The following DCAF6 variants were observed in gnomAD, a reference collection of about 807,000 sequenced individuals.
DCAF6 encodes DDB1 and CUL4 associated factor 6.
DCAF6 carries 54 observed loss-of-function variants against 125.1 expected under a neutral mutation model. That is an observed-to-expected ratio of 0.43 (90% CI 0.35 to 0.54). The LOEUF (loss-of-function observed/expected upper bound fraction) is 0.54. Ranked by LOEUF, DCAF6 falls within the 20% of genes least tolerant of loss-of-function variation. The pLI is 0.01. For synonymous variants in DCAF6, 371 were observed against 390.4 expected (o/e 0.95, Z 0.58); for missense variants, 934 against 1,161.7 (o/e 0.80, Z 2.85).
At chr1:167,864,089 A>T in the DCAF6 span, among the ~76,000 whole-genome samples, 1 of 152,082 alleles carries the variant, frequency 6.6e-6, no homozygotes, top group Non-Finnish European at 1.5e-5. Context: ...ATTGCTTGAT[A>T]CTTTGGTTTT....
At chr1:168,041,802 G>GA (rs1194383337) in intron 13 of DCAF6, among the ~76,000 whole-genome samples, 1 of 149,902 alleles carries the variant, frequency 6.7e-6, no homozygotes, top group South Asian at 2.1e-4. Context: ...TTTCTCAATG[G>GA]AAAAAATAAA....
intron 10 of DCAF6, among the ~76,000 whole-genome samples, chr1:168,005,374 G>A (rs1035522412): frequency 5.9e-5 from 9 of 151,774 alleles, no homozygotes; most frequent in South Asian, 2.1e-4. Flanking sequence ...TAACCTCTAC[G>A]TTCTGTTAAA....
chr1:168,049,645 A>ATTT (rs1689626164), intron 16 of DCAF6, among the ~76,000 whole-genome samples: 6 of 122,888 alleles, frequency 4.9e-5, no homozygotes, highest in African/African-American at 1.0e-4. Flanking sequence ...ATCTGCATAT[A>ATTT]ATTTTTTTTT....
rs1486557185 is a variant in DCAF6, at chr1:167,951,816, C to T, written c.114C>T (p.Ile38=). The part of the protein sequence containing the change: ...RSRYLGRREF[I]QRLKLEATLN... ...TTTAAACAGGAAGAAGAGAATTTATCCAAAGATTAAAACTTGAAGCAACCC... is the reference window on the plus strand; with the variant it reads ...TTTAAACAGGAAGAAGAGAATTTATTCAAAGATTAAAACTTGAAGCAACCC... Residue 38 remains isoleucine, a synonymous_variant, in exon 2 of 22, where the codon ATC becomes ATT. Coordinates refer to ENST00000367840, the MANE Select transcript of DCAF6 (RefSeq NM_001198956.2). 6.3e-7 allele frequency: 1 copy of T among 1,599,008 alleles called. No individual in the cohort carries two copies. Among genetic ancestry groups the T allele is most frequent in the Non-Finnish European group, 8.6e-7 (1 of 1,166,990 alleles).
the DCAF6 span, among the ~76,000 whole-genome samples, chr1:167,881,758 A>G: frequency 6.6e-6 from 1 of 152,226 alleles, no homozygotes; most frequent in African/African-American, 2.4e-5. Flanking sequence ...AAGTTCAATG[A>G]CTTGCTAAGT....
At chr1:167,968,391 G>T (rs964410740) in intron 3 of DCAF6, 1 of 152,304 alleles carries the variant, frequency 6.6e-6, no homozygotes, top group Non-Finnish European at 1.5e-5. Flanking sequence ...ATTGAAGAGG[G>T]TGTCATGGCT....
At chr1:168,000,512 A>G (rs1208816787) in intron 7 of DCAF6, among the ~76,000 whole-genome samples, 1 of 152,180 alleles carries the variant, frequency 6.6e-6, no homozygotes, top group African/African-American at 2.4e-5. Context: ...GTTCTCCTGT[A>G]TACCCAAGAG....
Position 167,987,629 on chromosome 1 carries a change from CA to C in DCAF6, c.552+24del, listed in dbSNP as rs779280007. 19 of 1,214,910 alleles carry C rather than the reference CA, an allele frequency of 1.6e-5. No individual in the cohort carries two copies. In the East Asian group the frequency reaches 4.0e-4, roughly 26 times the overall value. 75.3% of individuals were successfully genotyped at this position (1,214,910 alleles called of 1,614,324 possible). On this transcript the variant is annotated intron_variant, in intron 5 of 21. Coordinates refer to ENST00000367840, the MANE Select transcript of DCAF6 (RefSeq NM_001198956.2). ...AAGATGTAAGAATTAAATTTTTATACAAATGATGCAGAAAAAATTAAGGTTA... is the reference window on the plus strand; with the variant it reads ...AAGATGTAAGAATTAAATTTTTATACAATGATGCAGAAAAAATTAAGGTTA...
chr1:167,936,519 G>T (rs73024126), upstream of DCAF6: 4,261 of 225,602 alleles, frequency 0.019, 125 homozygotes, highest in African/African-American at 0.07. Context: ...GGTGAGGGCA[G>T]CCGCAGCACA....
rs148884987 is a variant in DCAF6, at chr1:167,993,383, G to A, written c.846G>A (p.Pro282=). The change falls in exon 7 of 22, where the codon CCG becomes CCA. Residue 282 remains proline (P), a synonymous_variant. Transcript: ENST00000367840. Reference sequence around the variant, plus strand: ...CAGATTACATATATCTTTTTGACCCGAAAGATGATACAGCACGAGAACTTA... The same window carrying A: ...CAGATTACATATATCTTTTTGACCCAAAAGATGATACAGCACGAGAACTTA... ...YSSDYIYLFD[P]KDDTARELKT... is the part of the protein sequence containing the mutation. 23 of 1,613,660 alleles carry A rather than the reference G, an allele frequency of 1.4e-5. No individual in the cohort carries two copies. Among genetic ancestry groups the A allele is most frequent in the South Asian group, 1.2e-4 (11 of 91,064 alleles).
At chr1:168,059,762 C>G (rs982327762) in intron 17 of DCAF6, among the ~76,000 whole-genome samples, 2 of 152,126 alleles carry the variant, frequency 1.3e-5, no homozygotes, top group African/African-American at 2.4e-5. Flanking sequence ...CCTCCCACCT[C>G]AGCTTCCTGA....
intron 12 of DCAF6, among the ~76,000 whole-genome samples, chr1:168,034,988 A>G (rs944541715): frequency 2.0e-5 from 3 of 152,218 alleles, no homozygotes. Flanking sequence ...TATGCATTTT[A>G]TCACAAAGAG....
chr1:168,056,024 A>C, intron 17 of DCAF6: 1 of 1,600,282 alleles, frequency 6.2e-7, no homozygotes, highest in East Asian at 2.2e-5. Flanking sequence ...ATTTGTTTAC[A>C]AGTCCTGGAT....
intron 12 of DCAF6, among the ~76,000 whole-genome samples, chr1:168,037,512 A>AT (rs1687991879): frequency 6.6e-6 from 1 of 152,192 alleles, no homozygotes; most frequent in African/African-American, 2.4e-5. Context: ...GTTGTTCATC[A>AT]TAAAATGAAA....
At chr1:167,997,573 T>A (rs1249185226) in intron 7 of DCAF6, among the ~76,000 whole-genome samples, 1 of 152,108 alleles carries the variant, frequency 6.6e-6, no homozygotes, top group Non-Finnish European at 1.5e-5. Flanking sequence ...CTAGGTATGG[T>A]TTCCAGAAGA....
intron 10 of DCAF6, among the ~76,000 whole-genome samples, chr1:168,015,504 A>G (rs192849823): frequency 9.2e-5 from 14 of 152,096 alleles, no homozygotes; most frequent in Middle Eastern, 3.5e-3. Flanking sequence ...TCTTTTGCTT[A>G]TGGAGGACTT....
At chr1:168,055,439 C>T (rs16865517) in intron 17 of DCAF6, among the ~76,000 whole-genome samples, 3 of 56,122 alleles carry the variant, frequency 5.3e-5, no homozygotes, top group Non-Finnish European at 8.7e-5. Context: ...TGCAGTGTAT[C>T]GCAAAATTAA....
chr1:168,055,763 T>C, intron 17 of DCAF6: 1 of 614,814 alleles, frequency 1.6e-6, no homozygotes, highest in East Asian at 2.7e-5. Context: ...TTTCTTTCAT[T>C]AGCAGTGTTA....
chr1:167,936,146 G>T (rs1671181875), upstream of DCAF6: 2 of 351,070 alleles, frequency 5.7e-6, no homozygotes, highest in South Asian at 3.1e-5. Flanking sequence ...AGTCTGCGCT[G>T]CGCCCTGCTG....
Sources: gnomAD v4.1 joint callset for allele counts (sites outside exome capture counted in the v4.1 genomes callset) on GRCh38, gnomAD v4.1.1 for gene constraint, MANE v1.5 for transcripts, NCBI Gene and HGNC (gene_info 2026-07-23, HGNC 2026-07-21) for gene names.